ACP3: variants seen among roughly 807,000 people sequenced by gnomAD.
The protein encoded by ACP3 is prostatic acid phosphatase.
ACP3 carries 38 observed loss-of-function variants against 45.6 expected under a neutral mutation model. That is an observed-to-expected ratio of 0.83 (90% CI 0.64 to 1.09). The LOEUF (loss-of-function observed/expected upper bound fraction) is 1.09. Ranked by LOEUF, ACP3 falls within the 50% of genes least tolerant of loss-of-function variation. The pLI is 0.00. For synonymous variants in ACP3, 162 were observed against 164.7 expected (o/e 0.98, Z 0.13); for missense variants, 466 against 463.2 (o/e 1.01, Z -0.05).
downstream of ACP3, among the ~76,000 whole-genome samples, chr3:132,361,029 G>A (rs149773699): frequency 6.6e-6 from 1 of 152,162 alleles, no homozygotes; most frequent in Non-Finnish European, 1.5e-5. Flanking sequence ...CTATGAATGA[G>A]CCTCAAAAGT....
chr3:132,347,536 G>A (rs1576422226), intron 7 of ACP3, among the ~76,000 whole-genome samples: 1 of 152,244 alleles, frequency 6.6e-6, no homozygotes, highest in East Asian at 1.9e-4. Context: ...CTGGAGTGCA[G>A]CAGCATGATC....
At chr3:132,332,959 C>T (rs949665482) in intron 4 of ACP3, among the ~76,000 whole-genome samples, 1 of 152,196 alleles carries the variant, frequency 6.6e-6, no homozygotes, top group African/African-American at 2.4e-5. Flanking sequence ...GCAAGCATCA[C>T]TCTGGGATTA....
In ACP3 at chr3:132,358,313, T is replaced by G; in HGVS notation, c.*1435T>G. 8.9e-7 allele frequency: 1 copy of G among 1,119,810 alleles called. No individual in the cohort carries two copies. The highest frequency in any genetic ancestry group is 1.1e-6 in the Non-Finnish European group (1 of 899,914). 69.4% of individuals were successfully genotyped at this position (1,119,810 alleles called of 1,614,324 possible). A position where few individuals can be genotyped will look rare whatever the true frequency, so the allele number is the denominator to read the frequency against. On this transcript the variant is annotated 3_prime_UTR_variant, in exon 10 of 10. Transcript: ENST00000336375. ...TTCTAAGTGCCTCCAAGTTCAAAAC[T>G]TATTGGAATGTTGAGAGTGTGGTTA...
At chr3:132,327,782 A>G (rs879846843) in intron 1 of ACP3, among the ~76,000 whole-genome samples, 3 of 105,278 alleles carry the variant, frequency 2.8e-5, no homozygotes, top group Non-Finnish European at 5.9e-5. Flanking sequence ...CAACAGAGCA[A>G]GACACTGTTT....
Position 132,331,691 on chromosome 3 carries a change from G to C in ACP3, c.261G>C (p.Lys87Asn). The change falls in exon 3 of 10, where the codon AAG becomes AAC. Residue 87 changes from lysine to asparagine, a missense_variant. Transcript: ENST00000336375. Reference protein sequence around the residue: ...QHYELGEYIRKRYRKFLNESY... With the variant: ...QHYELGEYIRNRYRKFLNESY... ...ATGAACTTGGAGAGTATATAAGAAA[G>C]AGATATAGAAAATTCTTGAATGAGT... The C allele has an allele frequency of 1.9e-6, 3 of 1,607,902 alleles. No homozygotes were observed. The highest frequency in any genetic ancestry group is 2.5e-6 in the Non-Finnish European group (3 of 1,178,648).
At chr3:132,344,505 A>G (rs1388804820) in intron 6 of ACP3, among the ~76,000 whole-genome samples, 1 of 152,134 alleles carries the variant, frequency 6.6e-6, no homozygotes, top group Non-Finnish European at 1.5e-5. Context: ...AGGGGAGAAT[A>G]TATTACTGAA....
chr3:132,354,198 C>T (rs918231607), intron 9 of ACP3, among the ~76,000 whole-genome samples: 3 of 152,144 alleles, frequency 2.0e-5, no homozygotes, highest in African/African-American at 7.2e-5. Context: ...AACCAAATTC[C>T]AGGATCAGCT....
chr3:132,345,285 T>A (rs1937596973), intron 7 of ACP3, among the ~76,000 whole-genome samples: 1 of 152,226 alleles, frequency 6.6e-6, no homozygotes, highest in Non-Finnish European at 1.5e-5. Flanking sequence ...CAGTACCTGG[T>A]ACATAATACA....
intron 4 of ACP3, among the ~76,000 whole-genome samples, chr3:132,334,188 A>C (rs1018733624): frequency 5.3e-5 from 8 of 152,254 alleles, no homozygotes; most frequent in Admixed American, 2.0e-4. Context: ...ATTAAGTTAC[A>C]CAGAAAGAGA....
chr3:132,340,728 AT>A (rs1937544903), intron 5 of ACP3, among the ~76,000 whole-genome samples: 1 of 151,934 alleles, frequency 6.6e-6, no homozygotes, highest in South Asian at 2.1e-4. Flanking sequence ...TATTTATGTA[AT>A]TTTTATTCTG....
intron 9 of ACP3, among the ~76,000 whole-genome samples, chr3:132,354,228 C>T (rs1410918670): frequency 6.6e-6 from 1 of 152,090 alleles, no homozygotes; most frequent in Admixed American, 6.6e-5. Flanking sequence ...GGCACCATCT[C>T]CTTTGGGATA....
At chr3:132,359,589 T>G (rs1938002318), downstream of ACP3, among the ~76,000 whole-genome samples, 1 of 152,186 alleles carries the variant, frequency 6.6e-6, no homozygotes, top group Non-Finnish European at 1.5e-5. Context: ...CAGCAATACC[T>G]GGTAACTTAG....
intron 9 of ACP3, 148 bp from the exon 10 acceptor site, chr3:132,356,538 A>G: frequency 6.8e-7 from 1 of 1,464,880 alleles, no homozygotes. Context: ...CAGTCTCCCC[A>G]TTTACACACC....
intron 10 of ACP3, among the ~76,000 whole-genome samples, chr3:132,363,885 C>T (rs752372431): frequency 3.9e-5 from 6 of 152,008 alleles, no homozygotes; most frequent in African/African-American, 7.3e-5. Context: ...TGCAGTGAAC[C>T]GAGATCGTGC....
At chr3:132,320,649 T>TG (rs202039528) in intron 1 of ACP3, among the ~76,000 whole-genome samples, 19 of 108,242 alleles carry the variant, frequency 1.8e-4, no homozygotes, top group Non-Finnish European at 1.6e-4. Context: ...ATAATATTCT[T>TG]GGGTTTTTTT....
intron 1 of ACP3, among the ~76,000 whole-genome samples, chr3:132,320,826 T>C (rs1937194345): frequency 6.6e-6 from 1 of 152,056 alleles, no homozygotes; most frequent in African/African-American, 2.4e-5. Context: ...AGTTTTTGTA[T>C]TTTTAATAGA....
intron 1 of ACP3, among the ~76,000 whole-genome samples, chr3:132,324,236 A>C (rs918104866): frequency 1.3e-5 from 2 of 151,676 alleles, no homozygotes; most frequent in Non-Finnish European, 2.9e-5. Flanking sequence ...AAAAAAAAAA[A>C]ACTCCACTTT....
chr3:132,338,571 T>C (rs1292554319), intron 5 of ACP3, among the ~76,000 whole-genome samples: 1 of 152,244 alleles, frequency 6.6e-6, no homozygotes, highest in Non-Finnish European at 1.5e-5. Flanking sequence ...ATATTATTAA[T>C]TTACCCTCCA....
At chr3:132,331,534 A>G in intron 2 of ACP3, 113 bp from the exon 3 acceptor site, 1 of 727,864 alleles carries the variant, frequency 1.4e-6, no homozygotes, top group Non-Finnish European at 2.2e-6. Context: ...CTATTAAACC[A>G]CACCATTGTT....
Sources: allele counts gnomAD v4.1 joint callset (sites outside exome capture counted in the v4.1 genomes callset), GRCh38; gene constraint gnomAD v4.1.1; transcripts MANE v1.5; gene names NCBI Gene and HGNC (gene_info 2026-07-23, HGNC 2026-07-21).